EIF4A2: variants seen among roughly 807,000 people sequenced by gnomAD.
EIF4A2 encodes eukaryotic translation initiation factor 4A2.
A neutral mutation model predicts 50.6 loss-of-function variants in EIF4A2; 9 were observed. That is an observed-to-expected ratio of 0.18 (90% CI 0.11 to 0.31). The LOEUF (loss-of-function observed/expected upper bound fraction) is 0.31, where lower values mean the gene tolerates loss of function less well. Ranked by LOEUF, EIF4A2 falls within the 10% of genes least tolerant of loss-of-function variation. EIF4A2 has a pLI of 1.00. For missense variants in EIF4A2, 182 were observed against 501.8 expected (o/e 0.36, Z 6.09); for synonymous variants, 215 against 164.4 (o/e 1.31, Z -2.35).
intron 4 of EIF4A2, chr3:186,785,554 AAAT>A (rs1721646717): frequency 3.2e-6 from 1 of 316,892 alleles, no homozygotes; most frequent in African/African-American, 2.1e-5. Flanking sequence ...TGGGGGAAAA[AAAT>A]CATTTGCCCT....
Position 186,789,303 on chromosome 3 carries a change from CTGT to C in EIF4A2, c.*37_*39del. ...ATGAGAGTTTTGGATGCAGTGCTCG[CTGT>C]TGCTGAATAGGCGATCACAACGTGC... On this transcript the variant is annotated 3_prime_UTR_variant, in exon 11 of 11. Coordinates refer to ENST00000323963, the MANE Select transcript of EIF4A2 (RefSeq NM_001967.4). The C allele has an allele frequency of 1.9e-6, 3 of 1,584,338 alleles. No individual in the cohort carries two copies. The highest frequency in any genetic ancestry group is 2.6e-6 in the Non-Finnish European group (3 of 1,165,796).
At chr3:186,788,881 A>G (rs1721951159) in intron 10 of EIF4A2, 1 of 475,248 alleles carries the variant, frequency 2.1e-6, no homozygotes. Context: ...CTGCTTTATA[A>G]TAATGCTCAA....
chr3:186,785,214 T>C (rs374374302), intron 4 of EIF4A2, 113 bp downstream of exon 4: 12 of 1,461,728 alleles, frequency 8.2e-6, no homozygotes, highest in East Asian at 2.3e-5. Context: ...TCCCTCCTTT[T>C]AATTGTCCAT....
chr3:186,787,485 TA>T lies in EIF4A2; in HGVS notation c.910-8del. The T allele has an allele frequency of 1.2e-6, 2 of 1,612,264 alleles. No homozygotes were observed. The highest frequency in any genetic ancestry group is 1.7e-6 in the Non-Finnish European group (2 of 1,178,936). On this transcript the variant is annotated splice_polypyrimidine_tract_variant and intron_variant, in intron 8 of 10. Coordinates refer to ENST00000323963, the MANE Select transcript of EIF4A2 (RefSeq NM_001967.4). Reference sequence around the variant, plus strand: ...TGGTGATTCTTGAATTAAGGTTTATTAATTTGCAGCATGGTGACATGGACCA... The same window carrying T: ...TGGTGATTCTTGAATTAAGGTTTATTATTTGCAGCATGGTGACATGGACCA...
rs1579172161 is a variant in EIF4A2 at position 186,789,816 on chromosome 3, G to A, written c.*547G>A. 2 of 618,230 alleles carry A rather than the reference G, an allele frequency of 3.2e-6. No homozygotes were observed. Among genetic ancestry groups the A allele is most frequent in the East Asian group, 5.6e-5 (2 of 36,012 alleles). 38.3% of individuals were successfully genotyped at this position (618,230 alleles called of 1,614,324 possible). A position where few individuals can be genotyped will look rare whatever the true frequency, so the allele number is the denominator to read the frequency against. ...AGCCCCAGCAAGCAATCCTAGGTAG[G>A]GTTTAATCCCCAGTAAAATTGCCAT... On this transcript the variant is annotated 3_prime_UTR_variant, in exon 11 of 11. Transcript: ENST00000323963.
At chr3:186,786,123 G>T in intron 5 of EIF4A2, 41 bp from the exon 6 acceptor site, 1 of 1,606,192 alleles carries the variant, frequency 6.2e-7, no homozygotes, top group Non-Finnish European at 8.5e-7. Flanking sequence ...TTGTATCACT[G>T]AGTAGATCTA....
At chr3:186,786,684 T>TATA (rs1359731819) in intron 7 of EIF4A2, 39 bp downstream of exon 7, 1 of 1,611,906 alleles carries the variant, frequency 6.2e-7, no homozygotes, top group East Asian at 2.2e-5. Flanking sequence ...TACCTTCTTG[T>TATA]ATAAGCACTG....
chr3:186,789,750 G>GTATTTAAT lies in EIF4A2; in HGVS notation c.*484_*491dup. 2.1e-6 allele frequency: 1 copy of GTATTTAAT among 479,872 alleles called. No homozygotes were observed. Among genetic ancestry groups the GTATTTAAT allele is most frequent in the Non-Finnish European group, 3.7e-6 (1 of 270,886 alleles). 29.7% of individuals were successfully genotyped at this position (479,872 alleles called of 1,614,324 possible). ...TTTGGTATTGTATTTATTCAATAAAGTATTTAATTAGTGCTAAGTGTGAAC... is the reference window on the plus strand; with the variant it reads ...TTTGGTATTGTATTTATTCAATAAAGTATTTAATTATTTAATTAGTGCTAAGTGTGAAC... On this transcript the variant is annotated 3_prime_UTR_variant, in exon 11 of 11. Coordinates refer to ENST00000323963, the MANE Select transcript of EIF4A2 (RefSeq NM_001967.4).
At chr3:186,786,393 A>C (rs575110411) in intron 6 of EIF4A2, 109 bp from the exon 7 acceptor site, 1 of 1,532,968 alleles carries the variant, frequency 6.5e-7, no homozygotes, top group Admixed American at 2.0e-5. Flanking sequence ...CTTGATGCAT[A>C]ACTCTGTCTA....
chr3:186,788,274 T>TAA (rs1156947973), intron 10 of EIF4A2: 14 of 1,286,870 alleles, frequency 1.1e-5, no homozygotes, highest in Non-Finnish European at 1.4e-5. Flanking sequence ...TGTACTTTGT[T>TAA]ATATGATGTA....
At chr3:186,786,308 G>A (rs1721700196) in intron 6 of EIF4A2, 35 bp downstream of exon 6, 9 of 1,590,762 alleles carry the variant, frequency 5.7e-6, no homozygotes, top group Non-Finnish European at 7.7e-6. Flanking sequence ...TAAAGGTAGA[G>A]ATGGGGTTTA....
intron 3 of EIF4A2, 25 bp downstream of exon 3, chr3:186,784,721 A>T: frequency 6.2e-7 from 1 of 1,611,658 alleles, no homozygotes; most frequent in South Asian, 1.1e-5. Context: ...CATTTTTAGG[A>T]AATTGTTCTA....
At position 186,783,630 on chromosome 3, in the gene EIF4A2, A is replaced by T; in HGVS notation, c.20A>T (p.Asp7Val). 1 of 1,614,100 alleles carries T rather than the reference A, an allele frequency of 6.2e-7. No homozygotes were observed. The highest frequency in any genetic ancestry group is 8.5e-7 in the Non-Finnish European group (1 of 1,180,036). Reference protein sequence around the residue: MSGGSADYNREHGGPEG... With the variant: MSGGSAVYNREHGGPEG... ...CGGATCATGTCTGGTGGCTCCGCGG[A>T]TTATAACAGGTATGCAGTCTGTTGG... is the stretch of plus-strand genomic sequence containing the variant. Residue 7 changes from aspartate (D) to valine (V), a missense_variant, in exon 1 of 11, where the codon GAT becomes GTT. Asp to Val is a radical substitution (Grantham distance 152). Coordinates refer to ENST00000323963, the MANE Select transcript of EIF4A2 (RefSeq NM_001967.4).
chr3:186,786,685 A>AT (rs1560085331), intron 7 of EIF4A2, 40 bp downstream of exon 7: 1 of 1,613,132 alleles, frequency 6.2e-7, no homozygotes. Context: ...ACCTTCTTGT[A>AT]TAAGCACTGT....
rs776850844 is a variant in EIF4A2 at position 186,786,284 on chromosome 3, C to T, written c.627+11C>T. ...AACACAAGTATTCAGGTAAGCATTA[C>T]TTCACCCCCCTCTTAAAGGTAGAGA... On this transcript the variant is annotated intron_variant, in intron 6 of 10. Transcript: ENST00000323963. 44 of 1,606,194 alleles carry T rather than the reference C, an allele frequency of 2.7e-5. No homozygotes were observed. In the Middle Eastern group the frequency reaches 8.5e-4, roughly 31 times the overall value.
chr3:186,785,592 T>G (rs892396896), intron 4 of EIF4A2: 3 of 366,960 alleles, frequency 8.2e-6, no homozygotes, highest in African/African-American at 4.0e-5. Flanking sequence ...AACATAAATT[T>G]CACTACGTAC....
In EIF4A2 at chr3:186,789,697, T is replaced by G. The variant is rs916091225; in HGVS notation, c.*428T>G. ...CCTGAGTAGAAAGGCCTTTAAAATT[T>G]TTTTAGAAAGCATTTGAATGCATTT... On this transcript the variant is annotated 3_prime_UTR_variant, in exon 11 of 11. Transcript: ENST00000323963. 1 of 378,162 alleles carries G rather than the reference T, an allele frequency of 2.6e-6. No homozygotes were observed. Among genetic ancestry groups the G allele is most frequent in the Non-Finnish European group, 4.8e-6 (1 of 209,964 alleles). The allele number at this position is 378,162 out of a possible 1,614,324, so 23.4% of individuals were successfully genotyped here.
chr3:186,786,291 C>A lies in EIF4A2; in HGVS notation c.627+18C>A. 1 of 1,603,864 alleles carries A rather than the reference C, an allele frequency of 6.2e-7. No homozygotes were observed. Among genetic ancestry groups the A allele is most frequent in the South Asian group, 1.1e-5 (1 of 89,826 alleles). On this transcript the variant is annotated intron_variant, in intron 6 of 10. Coordinates refer to ENST00000323963, the MANE Select transcript of EIF4A2 (RefSeq NM_001967.4). ...GTATTCAGGTAAGCATTACTTCACC[C>A]CCCTCTTAAAGGTAGAGATGGGGTT...
chr3:186,784,302 C>T (rs1721561629), intron 1 of EIF4A2, 130 bp from the exon 2 acceptor site: 5 of 1,352,132 alleles, frequency 3.7e-6, no homozygotes, highest in Non-Finnish European at 5.2e-6. Flanking sequence ...TGGATATTCG[C>T]CCTGAGGCTG....
Sources: gnomAD v4.1 joint callset for allele counts on GRCh38, gnomAD v4.1.1 for gene constraint, MANE v1.5 for transcripts, NCBI Gene and HGNC (gene_info 2026-07-23, HGNC 2026-07-21) for gene names.